RBFOX1: variants seen among roughly 807,000 people sequenced by gnomAD.
RBFOX1 encodes RNA binding fox-1 homolog 1, also known as RNA binding protein fox-1 homolog 1.
Under a neutral mutation model 57.7 loss-of-function variants are expected in RBFOX1, and 8 were observed. That is an observed-to-expected ratio of 0.14 (90% CI 0.08 to 0.25). The LOEUF is 0.25. Ranked by LOEUF, RBFOX1 falls within the 10% of genes least tolerant of loss-of-function variation. The pLI is 1.00. For synonymous variants in RBFOX1, 326 were observed against 222.4 expected, an observed-to-expected ratio of 1.47 and a Z score of -4.15; for missense variants, 611 against 548.5, an observed-to-expected ratio of 1.11 and a Z score of -1.14.
intron 2 of RBFOX1, among the ~76,000 whole-genome samples, chr16:6,413,499 G>T (rs564484221): frequency 2.0e-5 from 3 of 152,082 alleles, no homozygotes; most frequent in Non-Finnish European, 4.4e-5. Flanking sequence ...TTAGGACAGT[G>T]AAATTTTTAG....
chr16:6,406,227 C>A (rs1454677999), intron 2 of RBFOX1, among the ~76,000 whole-genome samples: 1 of 152,182 alleles, frequency 6.6e-6, no homozygotes, highest in African/African-American at 2.4e-5. Flanking sequence ...ACCTCAGATT[C>A]TCTTTACAGA....
At chr16:5,367,764 G>A (rs1171901033) in intron 1 of RBFOX1, among the ~76,000 whole-genome samples, 3 of 152,200 alleles carry the variant, frequency 2.0e-5, no homozygotes. Context: ...AGGGCACACG[G>A]AGGGGAGATG....
At chr16:6,847,403 G>C (rs1437435991) in intron 3 of RBFOX1, among the ~76,000 whole-genome samples, 1 of 152,024 alleles carries the variant, frequency 6.6e-6, no homozygotes, top group Non-Finnish European at 1.5e-5. Flanking sequence ...GCCGGGTCTA[G>C]GGGAAGCAGC....
chr16:5,633,227 A>G (rs2048576255), intron 3 of RBFOX1, among the ~76,000 whole-genome samples: 1 of 152,070 alleles, frequency 6.6e-6, no homozygotes, highest in African/African-American at 2.4e-5. Context: ...CTGAGCCACC[A>G]CGCCCAGCCA....
intron 3 of RBFOX1, among the ~76,000 whole-genome samples, chr16:5,734,530 C>T (rs997729912): frequency 1.3e-5 from 2 of 152,290 alleles, no homozygotes; most frequent in Middle Eastern, 3.4e-3. Context: ...TTGCCATTGC[C>T]AAAGAAACCC....
At chr16:5,726,095 A>C (rs953846457) in intron 3 of RBFOX1, among the ~76,000 whole-genome samples, 10 of 151,768 alleles carry the variant, frequency 6.6e-5, no homozygotes, top group African/African-American at 2.2e-4. Context: ...TTTTTTTAAT[A>C]AAGCTTTTTC....
intron 1 of RBFOX1, among the ~76,000 whole-genome samples, chr16:5,262,678 A>T (rs2062764497): frequency 6.6e-6 from 1 of 152,210 alleles, no homozygotes; most frequent in African/African-American, 2.4e-5. Flanking sequence ...CCAGAGTAAT[A>T]TACAAGGTTA....
intron 5 of RBFOX1, among the ~76,000 whole-genome samples, chr16:7,520,830 A>G (rs62012734): frequency 2.7e-4 from 41 of 152,316 alleles, no homozygotes; most frequent in African/African-American, 9.6e-4. Context: ...TTGAAAAAAG[A>G]TCCAATCAGA....
chr16:5,616,863 T>G, intron 3 of RBFOX1, among the ~76,000 whole-genome samples: 2 of 144,870 alleles, frequency 1.4e-5, no homozygotes, highest in Admixed American at 6.9e-5. Flanking sequence ...TCATCCTCCC[T>G]TCCCCACCCC....
At chr16:6,481,435 A>G (rs550212097) in intron 2 of RBFOX1, among the ~76,000 whole-genome samples, 1 of 152,364 alleles carries the variant, frequency 6.6e-6, no homozygotes, top group South Asian at 2.1e-4. Flanking sequence ...ACACGAGGAC[A>G]ATGGGGTTGT....
intron 2 of RBFOX1, among the ~76,000 whole-genome samples, chr16:5,554,296 A>C (rs1313827758): frequency 6.6e-6 from 1 of 152,146 alleles, no homozygotes; most frequent in Non-Finnish European, 1.5e-5. Context: ...TATTGACAAT[A>C]ATGACCTAAA....
chr16:7,265,606 G>A (rs1266025085), intron 4 of RBFOX1, among the ~76,000 whole-genome samples: 2 of 151,518 alleles, frequency 1.3e-5, no homozygotes, highest in Non-Finnish European at 2.9e-5. Flanking sequence ...CCACCACCAC[G>A]CCTGGCTAAT....
Position 7,122,366 on chromosome 16 carries a change from A to G in RBFOX1, c.27+70268A>G, listed in dbSNP as rs186776684. 3.3e-5 allele frequency among the ~76,000 whole-genome samples: 5 copies of G among 152,334 alleles called. No individual in the cohort carries two copies. In the East Asian group the frequency reaches 7.7e-4, roughly 23 times the overall value. ...CTTGAATAGTCACTTCACTTAGAGT[A>G]TATTCATACTCCTTTCTTATTGGGT... On this transcript the variant is annotated intron_variant, in intron 4 of 15. Coordinates refer to ENST00000550418, the MANE Select transcript of RBFOX1 (RefSeq NM_018723.4).
In RBFOX1 at chr16:6,863,842, C is replaced by G. The variant is rs148076052; in HGVS notation, c.-15-188215C>G. ...TATGAAAGGAGCCAAATCAGGTAACCAGAAACAAATACCAAGTTCTTTACT... is the reference window on the plus strand; with the variant it reads ...TATGAAAGGAGCCAAATCAGGTAACGAGAAACAAATACCAAGTTCTTTACT... On this transcript the variant is annotated intron_variant, in intron 3 of 15. Coordinates refer to ENST00000550418, the MANE Select transcript of RBFOX1 (RefSeq NM_018723.4). 2.9e-3 allele frequency among the ~76,000 whole-genome samples: 435 copies of G among 148,218 alleles called. 1 individual carries two copies. The highest frequency in any genetic ancestry group is 4.5e-3 in the Non-Finnish European group (306 of 67,478).
At chr16:5,812,817 G>A (rs1423765219) in intron 3 of RBFOX1, among the ~76,000 whole-genome samples, 1 of 152,002 alleles carries the variant, frequency 6.6e-6, no homozygotes, top group East Asian at 1.9e-4. Flanking sequence ...ATATGACTGT[G>A]ATTTTAATTT....
At chr16:7,557,463 T>A (rs545362795) in intron 5 of RBFOX1, among the ~76,000 whole-genome samples, 1 of 151,182 alleles carries the variant, frequency 6.6e-6, no homozygotes, top group African/African-American at 2.4e-5. Context: ...TTACTAAAAA[T>A]ATAAAAATTA....
intron 2 of RBFOX1, among the ~76,000 whole-genome samples, chr16:6,448,127 A>G (rs1358748936): frequency 2.0e-5 from 2 of 99,588 alleles, no homozygotes; most frequent in Non-Finnish European, 4.3e-5. Context: ...CTGATCAGAC[A>G]TTTTTCTTTT....
chr16:5,480,533 A>G (rs1193881693), intron 2 of RBFOX1, among the ~76,000 whole-genome samples: 4 of 152,208 alleles, frequency 2.6e-5, no homozygotes, highest in African/African-American at 4.8e-5. Context: ...CAAATGGTAT[A>G]GAAAGATGCA....
chr16:6,063,927 G>A (rs1316848398), intron 1 of RBFOX1, among the ~76,000 whole-genome samples: 1 of 152,020 alleles, frequency 6.6e-6, no homozygotes, highest in African/African-American at 2.4e-5. Flanking sequence ...TTTTATTTCT[G>A]TAAGCATAAC....
Sources: gnomAD v4.1 joint callset for allele counts (sites outside exome capture counted in the v4.1 genomes callset) on GRCh38, gnomAD v4.1.1 for gene constraint, MANE v1.5 for transcripts, NCBI Gene and HGNC (gene_info 2026-07-23, HGNC 2026-07-21) for gene names.